The following EFCAB10 variants were observed in gnomAD, a reference collection of about 807,000 sequenced individuals.
The protein encoded by EFCAB10 is EF-hand calcium binding domain 10.
EFCAB10 carries 7 observed loss-of-function variants against 7.7 expected under a neutral mutation model. The observed-to-expected ratio is 0.91, with a 90% CI of 0.52 to 1.72. The LOEUF (loss-of-function observed/expected upper bound fraction) is 1.72, where lower values mean the gene tolerates loss of function less well. EFCAB10 is among the 40% of genes most tolerant of loss of function. The pLI is 0.00. For synonymous variants in EFCAB10, 52 were observed against 21.0 expected (o/e 2.47, Z -4.03); for missense variants, 112 against 61.5 (o/e 1.82, Z -2.74).
At chr7:105,572,937 C>T (rs554353299) in intron 1 of EFCAB10, 1 of 152,038 alleles carries the variant, frequency 6.6e-6, no homozygotes, top group African/African-American at 2.4e-5. Context: ...TTTCATATAC[C>T]TGTAGGCCAT....
intron 4 of EFCAB10, 94 bp downstream of exon 4, chr7:105,567,373 T>C: frequency 9.0e-7 from 1 of 1,110,364 alleles, no homozygotes; most frequent in Non-Finnish European, 1.3e-6. Flanking sequence ...CAATTGGATT[T>C]CAAGTTATAT....
chr7:105,578,933 T>A (rs1206468970), intron 1 of EFCAB10, among the ~76,000 whole-genome samples: 2 of 152,120 alleles, frequency 1.3e-5, no homozygotes, highest in African/African-American at 4.8e-5. Context: ...CCACCATGCC[T>A]GGCTAATTTT....
At chr7:105,573,107 C>G (rs1791991015) in intron 1 of EFCAB10, 1 of 151,580 alleles carries the variant, frequency 6.6e-6, no homozygotes, top group South Asian at 2.1e-4. Flanking sequence ...TAGGTTGTCT[C>G]TTCACTCAGT....
chr7:105,573,257 G>T (rs143808070), intron 1 of EFCAB10: 1 of 152,056 alleles, frequency 6.6e-6, no homozygotes, highest in Non-Finnish European at 1.5e-5. Flanking sequence ...CAATAAATAG[G>T]CTACTAAAGG....
At chr7:105,569,931 A>G (rs1002895103) in intron 1 of EFCAB10, among the ~76,000 whole-genome samples, 1 of 151,984 alleles carries the variant, frequency 6.6e-6, no homozygotes, top group African/African-American at 2.4e-5. Context: ...TTGATAAGAT[A>G]TAAATAATAG....
At chr7:105,566,794 T>G (rs941943901) in intron 4 of EFCAB10, 3 of 167,720 alleles carry the variant, frequency 1.8e-5, no homozygotes, top group African/African-American at 7.1e-5. Context: ...CATTTATCTC[T>G]TATTTTTGTC....
At chr7:105,574,671 A>T (rs1331956530) in intron 1 of EFCAB10, among the ~76,000 whole-genome samples, 1 of 151,804 alleles carries the variant, frequency 6.6e-6, no homozygotes, top group African/African-American at 2.4e-5. Context: ...TATTTTTAAT[A>T]GAGGGGTTTC....
chr7:105,571,023 TCAA>T (rs1270637726), intron 1 of EFCAB10: 1 of 150,860 alleles, frequency 6.6e-6, no homozygotes, highest in Non-Finnish European at 1.5e-5. Context: ...AGACTCCGTT[TCAA>T]AAAAAAAAAA....
chr7:105,581,092 C>T (rs1215517125), intron 1 of EFCAB10, among the ~76,000 whole-genome samples: 4 of 152,104 alleles, frequency 2.6e-5, no homozygotes, highest in Admixed American at 1.3e-4. Flanking sequence ...TGGTGGCGGG[C>T]GCCTGTAATC....
rs570881899 is a variant in EFCAB10, at chr7:105,577,788, C to T, written c.106+3570G>A. Reference sequence around the variant, plus strand: ...GGCTGGAAGTGCAGTGGTGCAATCTCAGCTCACTGCAACCTCTGCCTCCGC... The same window carrying T: ...GGCTGGAAGTGCAGTGGTGCAATCTTAGCTCACTGCAACCTCTGCCTCCGC... On this transcript the variant is annotated intron_variant, in intron 1 of 4. Coordinates refer to ENST00000480514, the MANE Select transcript of EFCAB10 (RefSeq NM_001355526.2). 1.4e-3 allele frequency among the ~76,000 whole-genome samples: 214 copies of T among 151,144 alleles called. 2 individuals are homozygous for T. The highest frequency in any genetic ancestry group is 9.2e-3 in the South Asian group (44 of 4,788).
chr7:105,565,279 G>A lies in EFCAB10; in HGVS notation c.*168C>T. ...TGGTAAAAATGTGTTTTTTCCAGAT[G>A]GTTGTCCTTGCCATCTCAGTCAGAG... On this transcript the variant is annotated 3_prime_UTR_variant, in exon 5 of 5. Coordinates refer to ENST00000480514, the MANE Select transcript of EFCAB10 (RefSeq NM_001355526.2). 2 of 1,581,984 alleles carry A rather than the reference G, an allele frequency of 1.3e-6. No individual in the cohort carries two copies. The highest frequency in any genetic ancestry group is 1.7e-6 in the Non-Finnish European group (2 of 1,162,530).
intron 3 of EFCAB10, among the ~76,000 whole-genome samples, chr7:105,568,649 C>T (rs1358713299): frequency 6.6e-6 from 1 of 151,996 alleles, no homozygotes; most frequent in African/African-American, 2.4e-5. Context: ...CTGGGGCTTC[C>T]TATTTAGAAT....
intron 4 of EFCAB10, chr7:105,567,086 A>C (rs1410538666): frequency 2.2e-6 from 3 of 1,336,116 alleles, no homozygotes; most frequent in African/African-American, 1.5e-5. Context: ...GATAATGGAG[A>C]TCTCATTTCC....
chr7:105,575,822 G>A (rs1275558334), intron 1 of EFCAB10, among the ~76,000 whole-genome samples: 1 of 152,130 alleles, frequency 6.6e-6, no homozygotes, highest in African/African-American at 2.4e-5. Context: ...AGGATCGCCT[G>A]AGGTTGGGAG....
chr7:105,569,633 A>T, intron 1 of EFCAB10, 62 bp from the exon 2 acceptor site: 1 of 662,992 alleles, frequency 1.5e-6, no homozygotes. Flanking sequence ...AAATAGAAGT[A>T]GTCATTTAAC....
Position 105,567,187 on chromosome 7 carries a change from A to C in EFCAB10, c.383+280T>G, listed in dbSNP as rs919181672. ...GCACTACTGCTGAAAGATGTACTGC[A>C]GTCAGCTTCAGGGCAGCTTCCTGCC... On this transcript the variant is annotated intron_variant, in intron 4 of 4. Transcript: ENST00000480514. The C allele has an allele frequency of 2.5e-6, 4 of 1,611,696 alleles. No individual in the cohort carries two copies.
At chr7:105,574,573 C>T (rs1431870241) in intron 1 of EFCAB10, among the ~76,000 whole-genome samples, 1 of 152,008 alleles carries the variant, frequency 6.6e-6, no homozygotes, top group Non-Finnish European at 1.5e-5. Flanking sequence ...CAAGCTCTAC[C>T]TCCCAGGTTC....
intron 1 of EFCAB10, among the ~76,000 whole-genome samples, chr7:105,577,812 G>A (rs1340107834): frequency 1.3e-5 from 2 of 151,154 alleles, no homozygotes; most frequent in Non-Finnish European, 1.5e-5. Flanking sequence ...CTCTGCCTCC[G>A]CGTTCAAGCG....
At chr7:105,566,918 T>C (rs904552276) in intron 4 of EFCAB10, 3 of 369,658 alleles carry the variant, frequency 8.1e-6, no homozygotes, top group African/African-American at 6.3e-5. Context: ...TCGTATTACC[T>C]TATAGTAATC....
Sources: gnomAD v4.1 joint callset for allele counts (sites outside exome capture counted in the v4.1 genomes callset) on GRCh38, gnomAD v4.1.1 for gene constraint, MANE v1.5 for transcripts, NCBI Gene and HGNC (gene_info 2026-07-23, HGNC 2026-07-21) for gene names.